The following KMT2A variants were observed in gnomAD, a reference collection of about 807,000 sequenced individuals.
KMT2A encodes the protein histone-lysine N-methyltransferase 2A.
A neutral mutation model predicts 345.3 loss-of-function variants in KMT2A; 16 were observed. The ratio of observed to expected loss-of-function variants is 0.05; its 90% CI spans 0.03 to 0.07. KMT2A has a LOEUF of 0.07. Ranked by LOEUF, KMT2A falls within the 10% of genes least tolerant of loss-of-function variation. The pLI, the probability that KMT2A is intolerant of heterozygous loss-of-function variation, is 1.00. For missense variants in KMT2A, 3,272 were observed against 4,841.6 expected, an observed-to-expected ratio of 0.68 and a Z score of 9.62; for synonymous variants, 1,599 against 1,778.6, an observed-to-expected ratio of 0.90 and a Z score of 2.54.
chr11:118,507,525 C>G lies in KMT2A; in HGVS notation c.10755-4C>G. 1 of 1,613,614 alleles carries G rather than the reference C, an allele frequency of 6.2e-7. No individual in the cohort carries two copies. Among genetic ancestry groups the G allele is most frequent in the South Asian group, 1.1e-5 (1 of 91,046 alleles). On this transcript the variant is annotated splice_region_variant and splice_polypyrimidine_tract_variant and intron_variant, in intron 27 of 35. Coordinates refer to ENST00000534358, the MANE Select transcript of KMT2A (RefSeq NM_001197104.2). ...TTGAAAAGATACAAATGCCTGTGTT[C>G]CAGGACTCCAGGAGCAGAGGCTGAG...
Position 118,502,366 on chromosome 11 carries a change from A to G in KMT2A, c.6506-32A>G, listed in dbSNP as rs782011284. The G allele has an allele frequency of 1.3e-6, 2 of 1,496,234 alleles. No individual in the cohort carries two copies. The highest frequency in any genetic ancestry group is 2.8e-5 in the African/African-American group (2 of 71,306). 92.7% of individuals were successfully genotyped at this position (1,496,234 alleles called of 1,614,324 possible). ...CTTCTACACATTTGTTCTATCTACA[A>G]TAGCATTTATTACTTTTTCTCTCTT... On this transcript the variant is annotated intron_variant, in intron 26 of 35. Coordinates refer to ENST00000534358, the MANE Select transcript of KMT2A (RefSeq NM_001197104.2). The surrounding 1 kb of genome is among the most constrained non-coding windows in gnomAD (Gnocchi z 4.9).
chr11:118,488,242 C>A (rs561725360), intron 10 of KMT2A, among the ~76,000 whole-genome samples: 1 of 152,064 alleles, frequency 6.6e-6, no homozygotes, highest in African/African-American at 2.4e-5. Flanking sequence ...AAAGGACAAA[C>A]CAGACCTTAC....
chr11:118,460,812 G>A (rs1057437324), intron 1 of KMT2A, among the ~76,000 whole-genome samples: 49 of 152,152 alleles, frequency 3.2e-4, no homozygotes, highest in Middle Eastern at 3.4e-3. Flanking sequence ...GACTACAGGC[G>A]CACACCACCA....
rs1046852610 is a variant in KMT2A, at chr11:118,525,387, G to T, written c.*3215G>T. The T allele has an allele frequency of 5.7e-5, 13 of 227,204 alleles. No homozygotes were observed. The highest frequency in any genetic ancestry group is 1.3e-3 in the Middle Eastern group (1 of 782). 14.1% of individuals were successfully genotyped at this position (227,204 alleles called of 1,614,324 possible). A position where few individuals can be genotyped will look rare whatever the true frequency, so the allele number is the denominator to read the frequency against. ...GCTGCATGGCGCTGACCCTTTGGCC[G>T]GAACTTGGTCTCTTGGCTCCCTCCT... On this transcript the variant is annotated 3_prime_UTR_variant, in exon 36 of 36. Transcript: ENST00000534358.
At chr11:118,485,926 CA>C (rs375780849) in intron 10 of KMT2A, among the ~76,000 whole-genome samples, 6,277 of 152,038 alleles carry the variant, frequency 0.041, 183 homozygotes, top group South Asian at 0.068. Context: ...ATTAAAAATA[CA>C]AAAAAATTAG....
At position 118,493,913 on chromosome 11, in the gene KMT2A, G is replaced by A. The variant is rs1475017574; in HGVS notation, c.5179-375G>A. ...TTTGGCGGAGATTGGGTTTCACCATGTTGGCTAGGCTGGTCATGAACTCCT... is the reference window on the plus strand; with the variant it reads ...TTTGGCGGAGATTGGGTTTCACCATATTGGCTAGGCTGGTCATGAACTCCT... On this transcript the variant is annotated intron_variant, in intron 16 of 35. Transcript: ENST00000534358. This position sits in a 1 kb window ranked among gnomAD's most constrained non-coding sequence, Gnocchi z 5.8. Among the ~76,000 whole-genome samples, 1 of 152,144 alleles carries A rather than the reference G, an allele frequency of 6.6e-6. No individual in the cohort carries two copies. Among genetic ancestry groups the A allele is most frequent in the African/African-American group, 2.4e-5 (1 of 41,432 alleles).
At chr11:118,444,096 T>A (rs1429469094) in intron 1 of KMT2A, among the ~76,000 whole-genome samples, 2 of 152,352 alleles carry the variant, frequency 1.3e-5, no homozygotes, top group East Asian at 3.9e-4. Flanking sequence ...GTGATATTAC[T>A]TGTGAGAAGG....
At chr11:118,468,715 G>A (rs1234336261) in intron 1 of KMT2A, 60 bp from the exon 2 acceptor site, 3 of 1,312,174 alleles carry the variant, frequency 2.3e-6, no homozygotes, top group Non-Finnish European at 3.3e-6. Flanking sequence ...GCATTTCTTT[G>A]GGATGTGTTT....
In KMT2A at chr11:118,480,313, G is replaced by A. The variant is rs1267250874; in HGVS notation, c.3634+75G>A. ...GTATAGTTGTATACACCCAGTAGAA[G>A]AGAATACTTTTTTTTTTAAAGTACA... is the stretch of plus-strand genomic sequence containing the variant. On this transcript the variant is annotated intron_variant, in intron 6 of 35. Transcript: ENST00000534358. 7.1e-6 allele frequency: 8 copies of A among 1,125,712 alleles called. No individual in the cohort carries two copies. In the South Asian group the frequency reaches 9.3e-5, roughly 13 times the overall value. 69.7% of individuals were successfully genotyped at this position (1,125,712 alleles called of 1,614,324 possible). A position where few individuals can be genotyped will look rare whatever the true frequency, so the allele number is the denominator to read the frequency against.
intron 27 of KMT2A, among the ~76,000 whole-genome samples, chr11:118,506,898 T>C (rs1194123000): frequency 2.0e-5 from 3 of 152,226 alleles, no homozygotes; most frequent in African/African-American, 7.2e-5. Flanking sequence ...ACAGTGTTGC[T>C]GTTTGTTCCT....
Position 118,495,625 on chromosome 11 carries a change from T to A in KMT2A, c.5364-75T>A. The A allele has an allele frequency of 8.5e-7, 1 of 1,170,998 alleles. No individual in the cohort carries two copies. The highest frequency in any genetic ancestry group is 1.2e-6 in the Non-Finnish European group (1 of 844,146). The allele number at this position is 1,170,998 out of a possible 1,614,324, so 72.5% of individuals were successfully genotyped here. A position where few individuals can be genotyped will look rare whatever the true frequency, so the allele number is the denominator to read the frequency against. ...CTCCTACATGGGGCAACAGGTGATA[T>A]CAAGAATTTATTTTATACAGTTCTA... On this transcript the variant is annotated intron_variant, in intron 18 of 35. Transcript: ENST00000534358. The surrounding 1 kb of genome is among the most constrained non-coding windows in gnomAD (Gnocchi z 4.1).
chr11:118,515,705 G>A (rs1255870984), intron 31 of KMT2A, among the ~76,000 whole-genome samples: 15 of 16,042 alleles, frequency 9.4e-4, no homozygotes, highest in Admixed American at 8.1e-3. Flanking sequence ...TTTTTTTTTT[G>A]AGACAGGGTC....
In KMT2A at chr11:118,520,172, T is replaced by A; in HGVS notation, c.11429+108T>A. 2 of 735,622 alleles carry A rather than the reference T, an allele frequency of 2.7e-6. No individual in the cohort carries two copies. Among genetic ancestry groups the A allele is most frequent in the Non-Finnish European group, 4.6e-6 (2 of 439,224 alleles). The allele number at this position is 735,622 out of a possible 1,614,324, so 45.6% of individuals were successfully genotyped here. A position where few individuals can be genotyped will look rare whatever the true frequency, so the allele number is the denominator to read the frequency against. On this transcript the variant is annotated intron_variant, in intron 33 of 35. Coordinates refer to ENST00000534358, the MANE Select transcript of KMT2A (RefSeq NM_001197104.2). This position sits in a 1 kb window ranked among gnomAD's most constrained non-coding sequence, Gnocchi z 4.3. ...GCATCAGAATTTCCTGGATAAGATTTAAAAGGACTGAAAACCATTTGTGTT... is the reference window on the plus strand; with the variant it reads ...GCATCAGAATTTCCTGGATAAGATTAAAAAGGACTGAAAACCATTTGTGTT...
Position 118,491,633 on chromosome 11 carries a change from A to C in KMT2A, c.4820-111A>C. 1.2e-6 allele frequency: 1 copy of C among 835,382 alleles called. No individual in the cohort carries two copies. Among genetic ancestry groups the C allele is most frequent in the South Asian group, 2.1e-5 (1 of 48,520 alleles). The allele number at this position is 835,382 out of a possible 1,614,324, so 51.7% of individuals were successfully genotyped here. ...ATATCCATGAGGACATTAAAATCTT[A>C]ATGTGGTTCCCAACATATGGCTTTA... On this transcript the variant is annotated intron_variant, in intron 14 of 35. Coordinates refer to ENST00000534358, the MANE Select transcript of KMT2A (RefSeq NM_001197104.2). This position sits in a 1 kb window ranked among gnomAD's most constrained non-coding sequence, Gnocchi z 4.2.
Position 118,484,036 on chromosome 11 carries a change from A to T in KMT2A, c.4087-147A>T, listed in dbSNP as rs1950188161. On this transcript the variant is annotated intron_variant, in intron 8 of 35. Transcript: ENST00000534358. The surrounding 1 kb of genome is among the most constrained non-coding windows in gnomAD (Gnocchi z 4.1). Reference sequence around the variant, plus strand: ...AACAAAGCAAGACCCAGTCTCTTTTAAAAAAAAATTCAAAGATTATTTGTT... The same window carrying T: ...AACAAAGCAAGACCCAGTCTCTTTTTAAAAAAAATTCAAAGATTATTTGTT... 14 of 794,558 alleles carry T rather than the reference A, an allele frequency of 1.8e-5. No homozygotes were observed. Among genetic ancestry groups the T allele is most frequent in the Non-Finnish European group, 2.5e-5 (13 of 519,322 alleles). The allele number at this position is 794,558 out of a possible 1,614,324, so 49.2% of individuals were successfully genotyped here. A position where few individuals can be genotyped will look rare whatever the true frequency, so the allele number is the denominator to read the frequency against.
chr11:118,505,214 A>C lies in KMT2A; in HGVS notation c.9322A>C (p.Thr3108Pro). 1 of 1,614,002 alleles carries C rather than the reference A, an allele frequency of 6.2e-7. No individual in the cohort carries two copies. The highest frequency in any genetic ancestry group is 8.5e-7 in the Non-Finnish European group (1 of 1,179,974). The change falls in exon 27 of 36, where the codon ACC becomes CCC. Residue 3108 changes from threonine to proline, a missense_variant. Thr to Pro is a conservative substitution (Grantham distance 38, BLOSUM62 -1). Around this residue, in one of 27 missense-constraint regions of KMT2A, gnomAD observed 748 missense variants for 922.2 expected, o/e 0.81. Transcript: ENST00000534358. This position sits in a 1 kb window ranked among gnomAD's most constrained non-coding sequence, Gnocchi z 4.6. ...TGGAGTGACCCAAAAAATCCAATTGACCTCTTCTGTTAGTTCTACACCCAG... is the reference window on the plus strand; with the variant it reads ...TGGAGTGACCCAAAAAATCCAATTGCCCTCTTCTGTTAGTTCTACACCCAG... The part of the protein sequence containing the change: ...PNGVTQKIQL[T>P]SSVSSTPSVM...
rs1457317485 is a variant in KMT2A at position 118,498,158 on chromosome 11, A to T, written c.5802+85A>T. On this transcript the variant is annotated intron_variant, in intron 21 of 35. Transcript: ENST00000534358. The surrounding 1 kb of genome is among the most constrained non-coding windows in gnomAD (Gnocchi z 4.4). Reference sequence around the variant, plus strand: ...CCTGTGGGTGAATATGGCCTCCCTGATATTTTTCACAGTGCCATCAGGGTA... The same window carrying T: ...CCTGTGGGTGAATATGGCCTCCCTGTTATTTTTCACAGTGCCATCAGGGTA... The T allele has an allele frequency of 6.8e-7, 1 of 1,464,678 alleles. No individual in the cohort carries two copies. Among genetic ancestry groups the T allele is most frequent in the Non-Finnish European group, 9.4e-7 (1 of 1,059,182 alleles). 90.7% of individuals were successfully genotyped at this position (1,464,678 alleles called of 1,614,324 possible). A position where few individuals can be genotyped will look rare whatever the true frequency, so the allele number is the denominator to read the frequency against.
Position 118,520,843 on chromosome 11 carries a change from G to A in KMT2A, c.11471G>A (p.Arg3824Gln), listed in dbSNP as rs2135289965. Residue 3824 changes from arginine (R) to glutamine (Q), a missense_variant, in exon 34 of 36, where the codon CGG (arginine) becomes CAG (glutamine). Arg to Gln is a conservative substitution (Grantham distance 43). Coordinates refer to ENST00000534358, the MANE Select transcript of KMT2A (RefSeq NM_001197104.2). The surrounding 1 kb of genome is among the most constrained non-coding windows in gnomAD (Gnocchi z 4.3). ...SMDLPMPMRF[R>Q]HLKKTSKEAV... ...GATCTGCCAATGCCCATGCGCTTCC[G>A]GCACTTAAAAAAGACTTCTAAGGAG... is the stretch of plus-strand genomic sequence containing the variant. 1.2e-6 allele frequency: 2 copies of A among 1,613,984 alleles called. No homozygotes were observed. Among genetic ancestry groups the A allele is most frequent in the Non-Finnish European group, 8.5e-7 (1 of 1,179,930 alleles).
rs782653980 is a variant in KMT2A, at chr11:118,491,365, A to C, written c.4819+47A>C. ...TTTTCTTCTTTCTAGGTACTACTAC[A>C]TTTATTAGCCTCTAGAGCACTTTAA... On this transcript the variant is annotated intron_variant, in intron 14 of 35. Coordinates refer to ENST00000534358, the MANE Select transcript of KMT2A (RefSeq NM_001197104.2). The surrounding 1 kb of genome is among the most constrained non-coding windows in gnomAD (Gnocchi z 4.2). The C allele has an allele frequency of 1.3e-6, 2 of 1,582,604 alleles. No individual in the cohort carries two copies. Among genetic ancestry groups the C allele is most frequent in the South Asian group, 2.3e-5 (2 of 87,552 alleles).
Sources: allele counts gnomAD v4.1 joint callset (sites outside exome capture counted in the v4.1 genomes callset), GRCh38; gene constraint gnomAD v4.1.1; regional missense constraint gnomAD v4.1.1; non-coding constraint Gnocchi (gnomAD v3.1); transcripts MANE v1.5; gene names NCBI Gene and HGNC (gene_info 2026-07-23, HGNC 2026-07-21).